TSEN15: variants seen among roughly 807,000 people sequenced by gnomAD.
TSEN15 encodes the protein tRNA splicing endonuclease subunit 15, also known as tRNA-splicing endonuclease subunit Sen15.
Under a neutral mutation model 20.5 loss-of-function variants are expected in TSEN15, and 10 were observed. The observed-to-expected ratio is 0.49, with a 90% CI of 0.30 to 0.83. The LOEUF (loss-of-function observed/expected upper bound fraction) is 0.83, where lower values mean the gene tolerates loss of function less well. Among genes scored for constraint, TSEN15 ranks in the 40% least tolerant of loss-of-function variants. The pLI is 0.06. For synonymous variants in TSEN15, 72 were observed against 80.1 expected, an observed-to-expected ratio of 0.90 and a Z score of 0.54; for missense variants, 180 against 218.6, an observed-to-expected ratio of 0.82 and a Z score of 1.11.
intron 4 of TSEN15, 115 bp downstream of exon 4, chr1:184,072,413 T>G: frequency 9.9e-7 from 1 of 1,011,570 alleles, no homozygotes. Context: ...ATAGGGAAAA[T>G]TCAAGAAAAA....
intron 3 of TSEN15, among the ~76,000 whole-genome samples, chr1:184,092,317 T>TA (rs1243108427): frequency 3.3e-5 from 5 of 152,196 alleles, no homozygotes; most frequent in South Asian, 2.1e-4. Flanking sequence ...TAGGTCCATT[T>TA]AAAAAATCTC....
chr1:184,089,069 G>A (rs2102904213), intron 3 of TSEN15, among the ~76,000 whole-genome samples: 1 of 152,286 alleles, frequency 6.6e-6, no homozygotes, highest in African/African-American at 2.4e-5. Context: ...TGGCAACATG[G>A]GCGTACTTGC....
Position 184,095,285 on chromosome 1 carries a change from G to C in TSEN15, c.354-405G>C, listed in dbSNP as rs1177120060. ...CCATAACTCCACTTCTCTTCAATAA[G>C]AAGAAAGAGCAACACCGCTAACAAC... is the stretch of plus-strand genomic sequence containing the variant. On this transcript the variant is annotated intron_variant, in intron 3 of 3. Transcript: ENST00000643231. 8 of 395,294 alleles carry C rather than the reference G, an allele frequency of 2.0e-5. 1 individual carries two copies. The highest frequency in any genetic ancestry group is 3.6e-5 in the Non-Finnish European group (8 of 224,622). 24.5% of individuals were successfully genotyped at this position (395,294 alleles called of 1,614,324 possible). A position where few individuals can be genotyped will look rare whatever the true frequency, so the allele number is the denominator to read the frequency against.
chr1:184,086,679 G>A (rs1651267504), intron 3 of TSEN15, among the ~76,000 whole-genome samples: 2 of 152,112 alleles, frequency 1.3e-5, no homozygotes, highest in South Asian at 2.1e-4. Flanking sequence ...GACACCTTGG[G>A]TCTCCTCATG....
At chr1:184,061,472 T>C (rs1282048585) in intron 3 of TSEN15, among the ~76,000 whole-genome samples, 4 of 152,164 alleles carry the variant, frequency 2.6e-5, no homozygotes, top group Non-Finnish European at 5.9e-5. Context: ...TAAGGCCTGA[T>C]AACTGTCTCT....
chr1:184,082,374 TC>T (rs1651186328), intron 3 of TSEN15, among the ~76,000 whole-genome samples: 1 of 152,098 alleles, frequency 6.6e-6, no homozygotes, highest in Non-Finnish European at 1.5e-5. Context: ...CTGTTTTGGG[TC>T]CTCTCCATCT....
At chr1:184,093,181 G>A (rs917910069) in intron 3 of TSEN15, among the ~76,000 whole-genome samples, 2 of 152,182 alleles carry the variant, frequency 1.3e-5, no homozygotes, top group Non-Finnish European at 2.9e-5. Flanking sequence ...AAAAAGAGAT[G>A]ATATTGAGTT....
intron 3 of TSEN15, among the ~76,000 whole-genome samples, chr1:184,086,516 G>A (rs1185768711): frequency 1.3e-5 from 2 of 152,148 alleles, no homozygotes; most frequent in Non-Finnish European, 2.9e-5. Flanking sequence ...TTTGGCTCAG[G>A]GTCTCTCATG....
At chr1:184,057,770 A>AT in intron 3 of TSEN15, among the ~76,000 whole-genome samples, 1 of 152,268 alleles carries the variant, frequency 6.6e-6, no homozygotes, top group South Asian at 2.1e-4. Context: ...GTTTTTTAAT[A>AT]TGTCAGTCTA....
intron 3 of TSEN15, among the ~76,000 whole-genome samples, chr1:184,058,484 T>C (rs1557879152): frequency 6.6e-6 from 1 of 152,070 alleles, no homozygotes; most frequent in Non-Finnish European, 1.5e-5. Context: ...GTATGTGTGA[T>C]TTCATTATTC....
downstream of TSEN15, among the ~76,000 whole-genome samples, chr1:184,075,230 A>C (rs1245185599): frequency 6.6e-6 from 1 of 152,064 alleles, no homozygotes; most frequent in Non-Finnish European, 1.5e-5. Flanking sequence ...TCTATTTCAG[A>C]ATGTTCCCTG....
At chr1:184,091,759 AC>A (rs1025776834) in intron 3 of TSEN15, among the ~76,000 whole-genome samples, 1 of 152,112 alleles carries the variant, frequency 6.6e-6, no homozygotes, top group African/African-American at 2.4e-5. Flanking sequence ...TTAAATTACT[AC>A]CTGGGAGACA....
At chr1:184,071,665 G>A (rs935392181) in intron 3 of TSEN15, among the ~76,000 whole-genome samples, 2 of 151,880 alleles carry the variant, frequency 1.3e-5, no homozygotes, top group African/African-American at 4.8e-5. Flanking sequence ...TTAAAATGGT[G>A]TACTAGAAAA....
At chr1:184,071,422 T>G (rs1237724387) in intron 3 of TSEN15, among the ~76,000 whole-genome samples, 1 of 151,722 alleles carries the variant, frequency 6.6e-6, no homozygotes, top group Non-Finnish European at 1.5e-5. Context: ...AAGAAAATTA[T>G]TTAAAGTAAT....
chr1:184,054,440 G>A lies in TSEN15; in HGVS notation c.217+5G>A. 6.2e-7 allele frequency: 1 copy of A among 1,604,990 alleles called. No individual in the cohort carries two copies. The highest frequency in any genetic ancestry group is 1.3e-5 in the African/African-American group (1 of 74,892). On this transcript the variant is annotated splice_donor_5th_base_variant and intron_variant, in intron 2 of 4. Coordinates refer to ENST00000645668, the MANE Select transcript of TSEN15 (RefSeq NM_052965.4). ...TTTACCTGGACCTCATGGAAAGTAAGTTGTTTGTTTATATTGTTTTGTTAT... is the reference window on the plus strand; with the variant it reads ...TTTACCTGGACCTCATGGAAAGTAAATTGTTTGTTTATATTGTTTTGTTAT...
intron 3 of TSEN15, among the ~76,000 whole-genome samples, chr1:184,062,308 A>G (rs1399326148): frequency 6.6e-6 from 1 of 152,168 alleles, no homozygotes; most frequent in Non-Finnish European, 1.5e-5. Context: ...AATCTAAGGA[A>G]TACATGAAGC....
chr1:184,076,391 T>C (rs1265173745), downstream of TSEN15, among the ~76,000 whole-genome samples: 2 of 152,144 alleles, frequency 1.3e-5, no homozygotes, highest in Non-Finnish European at 2.9e-5. Flanking sequence ...ATAAATGTTA[T>C]GTGTGTTCTG....
At chr1:184,054,241 C>T (rs1410246558) in intron 1 of TSEN15, 113 bp from the exon 2 acceptor site, 11 of 631,070 alleles carry the variant, frequency 1.7e-5, no homozygotes, top group Non-Finnish European at 2.6e-5. Context: ...TTAACTTCCA[C>T]TATACCTAGA....
chr1:184,090,489 GAT>G (rs1338277627), intron 3 of TSEN15, among the ~76,000 whole-genome samples: 1 of 152,170 alleles, frequency 6.6e-6, no homozygotes, highest in Non-Finnish European at 1.5e-5. Flanking sequence ...CAGTAGAGTT[GAT>G]ATAAACAAAA....
Sources: allele counts gnomAD v4.1 joint callset (sites outside exome capture counted in the v4.1 genomes callset), GRCh38; gene constraint gnomAD v4.1.1; transcripts MANE v1.5; gene names NCBI Gene and HGNC (gene_info 2026-07-23, HGNC 2026-07-21).